HSD11B1L: variants seen among roughly 807,000 people sequenced by gnomAD.
The protein encoded by HSD11B1L is hydroxysteroid 11-beta dehydrogenase 1 like.
A neutral mutation model predicts 27.0 loss-of-function variants in HSD11B1L; 22 were observed. The observed-to-expected ratio is 0.81, with a 90% CI of 0.58 to 1.16. The LOEUF is 1.16. Among genes scored for constraint, HSD11B1L ranks in the 50% most tolerant of loss-of-function variants. The probability of loss-of-function intolerance (pLI) is 0.00; values close to 1 mark genes in which losing one functional copy is unlikely to be tolerated. For missense variants in HSD11B1L, 372 were observed against 401.8 expected, an observed-to-expected ratio of 0.93 and a Z score of 0.63; for synonymous variants, 187 against 189.2, an observed-to-expected ratio of 0.99 and a Z score of 0.09.
intron 1 of HSD11B1L, among the ~76,000 whole-genome samples, chr19:5,683,576 G>C (rs1345390701): frequency 6.6e-6 from 1 of 152,166 alleles, no homozygotes; most frequent in Non-Finnish European, 1.5e-5. Context: ...TACAGGGAGA[G>C]AAGGATGGTG....
Position 5,685,004 on chromosome 19 carries a change from C to T in HSD11B1L, c.89C>T (p.Ala30Val), listed in dbSNP as rs1239350302. The T allele has an allele frequency of 5.6e-6, 9 of 1,600,320 alleles. No individual in the cohort carries two copies. Among genetic ancestry groups the T allele is most frequent in the Non-Finnish European group, 6.8e-6 (8 of 1,173,440 alleles). The change falls in exon 3 of 8, where the codon GCG becomes GTG. Residue 30 changes from alanine (A) to valine (V), a missense_variant. Transcript: ENST00000339423. This position sits in a 1 kb window ranked among gnomAD's most constrained non-coding sequence, Gnocchi z 4.3. ...DNFDPASLQG[A>V]RVLLTGANAG... ...CTATGGCCAGCCAGCCTCCAGGGAGCGCGAGTGCTGCTGACAGGGGCCAAC... is the reference window on the plus strand; with the variant it reads ...CTATGGCCAGCCAGCCTCCAGGGAGTGCGAGTGCTGCTGACAGGGGCCAAC...
Position 5,687,165 on chromosome 19 carries a change from G to A in HSD11B1L, c.409-117G>A. ...CGGCCTTGACCCCGCCCTCGGACCCGCCTTCCGGGTTTCTGGCCCCGTCTC... is the reference window on the plus strand; with the variant it reads ...CGGCCTTGACCCCGCCCTCGGACCCACCTTCCGGGTTTCTGGCCCCGTCTC... On this transcript the variant is annotated intron_variant, in intron 5 of 7. Transcript: ENST00000339423. The surrounding 1 kb of genome is among the most constrained non-coding windows in gnomAD (Gnocchi z 6.6). 1 of 1,235,594 alleles carries A rather than the reference G, an allele frequency of 8.1e-7. No individual in the cohort carries two copies. Among genetic ancestry groups the A allele is most frequent in the South Asian group, 1.4e-5 (1 of 73,206 alleles). 76.5% of individuals were successfully genotyped at this position (1,235,594 alleles called of 1,614,324 possible). A position where few individuals can be genotyped will look rare whatever the true frequency, so the allele number is the denominator to read the frequency against.
intron 4 of HSD11B1L, 51 bp from the exon 5 acceptor site, chr19:5,686,849 A>G (rs1488639114): frequency 6.9e-7 from 1 of 1,453,048 alleles, no homozygotes. Context: ...GCGGGGTTTG[A>G]TCGTTTCCTT....
At position 5,685,106 on chromosome 19, in the gene HSD11B1L, C is replaced by G; in HGVS notation, c.191C>G (p.Ala64Gly). ...CTGGTGCTCACTGCCCACACTGAGG[C>G]TCTCCTGCAGAAGGTGAGCCACCCC... Reference protein sequence around the residue: ...SHLVLTAHTEALLQKVVGNCR... With the variant: ...SHLVLTAHTEGLLQKVVGNCR... The change falls in exon 3 of 8, where the codon GCT (alanine) becomes GGT (glycine). Residue 64 changes from alanine (A) to glycine (G), a missense_variant. Transcript: ENST00000339423. This position sits in a 1 kb window ranked among gnomAD's most constrained non-coding sequence, Gnocchi z 4.3. The G allele has an allele frequency of 6.5e-7, 1 of 1,548,676 alleles. No individual in the cohort carries two copies. The highest frequency in any genetic ancestry group is 8.7e-7 in the Non-Finnish European group (1 of 1,147,168).
intron 3 of HSD11B1L, 61 bp from the exon 4 acceptor site, chr19:5,686,355 C>T (rs1452304233): frequency 8.7e-6 from 10 of 1,147,184 alleles, no homozygotes; most frequent in Admixed American, 7.8e-5. Context: ...CCAGCAGGTG[C>T]GGTGGAGGGG....
chr19:5,686,427 C>G lies in HSD11B1L; in HGVS notation c.216C>G (p.Asn72Lys), dbSNP rs1339976421. ...TEALLQKVVG[N>K]CRKLGAPKVF... Reference sequence around the variant, plus strand: ...CTGGCCCCCCCCAGGTGGTAGGGAACTGCCGGAAGCTGGGCGCCCCCAAGG... The same window carrying G: ...CTGGCCCCCCCCAGGTGGTAGGGAAGTGCCGGAAGCTGGGCGCCCCCAAGG... Residue 72 changes from asparagine (N) to lysine (K), a missense_variant, in exon 4 of 8, where the codon AAC becomes AAG. By Grantham distance (94) the Asn-to-Lys change is moderately conservative. Coordinates refer to ENST00000339423, the MANE Select transcript of HSD11B1L (RefSeq NM_198706.3). The G allele has an allele frequency of 1.9e-6, 3 of 1,574,298 alleles. No homozygotes were observed. Among genetic ancestry groups the G allele is most frequent in the Non-Finnish European group, 2.6e-6 (3 of 1,161,308 alleles).
rs2054654615 is a variant in HSD11B1L at position 5,685,091 on chromosome 19, C to T, written c.176C>T (p.Thr59Ile). ...CGTCTGGGCTCCCACCTGGTGCTCA[C>T]TGCCCACACTGAGGCTCTCCTGCAG... ...YARLGSHLVL[T>I]AHTEALLQKV... The change falls in exon 3 of 8, where the codon ACT becomes ATT. Residue 59 changes from threonine (T) to isoleucine (I), a missense_variant. Coordinates refer to ENST00000339423, the MANE Select transcript of HSD11B1L (RefSeq NM_198706.3). This position sits in a 1 kb window ranked among gnomAD's most constrained non-coding sequence, Gnocchi z 4.3. 9 of 1,550,354 alleles carry T rather than the reference C, an allele frequency of 5.8e-6. No homozygotes were observed. The highest frequency in any genetic ancestry group is 7.8e-6 in the Non-Finnish European group (9 of 1,147,392).
At chr19:5,684,526 C>T (rs2054778381) in intron 1 of HSD11B1L, among the ~76,000 whole-genome samples, 1 of 152,054 alleles carries the variant, frequency 6.6e-6, no homozygotes, top group Non-Finnish European at 1.5e-5. Flanking sequence ...CGTTTGTAGC[C>T]ACCAAGGAGT....
At chr19:5,686,386 A>AGGCCCACGGGCAGCTCT in intron 3 of HSD11B1L, 30 bp from the exon 4 acceptor site, 1 of 1,445,452 alleles carries the variant, frequency 6.9e-7, no homozygotes, top group Non-Finnish European at 9.4e-7. Context: ...TGTAGAGGAG[A>AGGCCCACGGGCAGCTCT]GGCCCACGGG....
In HSD11B1L at chr19:5,687,023, C is replaced by T. The variant is rs1282801273; in HGVS notation, c.408+32C>T. ...CGCTCCTCCGCGGCCCCGGCCCGCC[C>T]CTCTATCTCAGGGACCGGTGGTCCG... is the stretch of plus-strand genomic sequence containing the variant. On this transcript the variant is annotated intron_variant, in intron 5 of 7. Transcript: ENST00000339423. This position sits in a 1 kb window ranked among gnomAD's most constrained non-coding sequence, Gnocchi z 6.6. 6.6e-7 allele frequency: 1 copy of T among 1,511,992 alleles called. No homozygotes were observed. The highest frequency in any genetic ancestry group is 2.5e-5 in the East Asian group (1 of 40,596). 93.7% of individuals were successfully genotyped at this position (1,511,992 alleles called of 1,614,324 possible).
Position 5,687,610 on chromosome 19 carries a change from GCCATCA to G in HSD11B1L, c.615_620del (p.Ile205_Thr206del). On this transcript the variant is annotated inframe_deletion, in exon 7 of 8. Coordinates refer to ENST00000339423, the MANE Select transcript of HSD11B1L (RefSeq NM_198706.3). The surrounding 1 kb of genome is among the most constrained non-coding windows in gnomAD (Gnocchi z 6.6). ...GCTGGACGTGCAGGACGTGAACGTG[GCCATCA>G]CCATGTGCGTCCTGGGCCTCCGAGA... 6.3e-7 allele frequency: 1 copy of G among 1,598,136 alleles called. No homozygotes were observed. Among genetic ancestry groups the G allele is most frequent in the Non-Finnish European group, 8.5e-7 (1 of 1,178,304 alleles).
At position 5,685,216 on chromosome 19, in the gene HSD11B1L, T is replaced by G; in HGVS notation, c.204+97T>G. ...CCTGCAATGATCCAGGCTTCCCGTGTGACCTTGGGCAAGTCGCCTAACCTC... is the reference window on the plus strand; with the variant it reads ...CCTGCAATGATCCAGGCTTCCCGTGGGACCTTGGGCAAGTCGCCTAACCTC... On this transcript the variant is annotated intron_variant, in intron 3 of 7. Transcript: ENST00000339423. The surrounding 1 kb of genome is among the most constrained non-coding windows in gnomAD (Gnocchi z 4.3). The G allele has an allele frequency of 6.8e-7, 1 of 1,474,380 alleles. No homozygotes were observed. Among genetic ancestry groups the G allele is most frequent in the Non-Finnish European group, 9.2e-7 (1 of 1,090,954 alleles). 91.3% of individuals were successfully genotyped at this position (1,474,380 alleles called of 1,614,324 possible). A position where few individuals can be genotyped will look rare whatever the true frequency, so the allele number is the denominator to read the frequency against.
In HSD11B1L at chr19:5,684,981, A is replaced by G. The variant is rs1440912828; in HGVS notation, c.74-8A>G. The G allele has an allele frequency of 1.2e-6, 2 of 1,610,164 alleles. No homozygotes were observed. The highest frequency in any genetic ancestry group is 1.3e-5 in the African/African-American group (1 of 74,858). On this transcript the variant is annotated splice_polypyrimidine_tract_variant and splice_region_variant and intron_variant, in intron 2 of 7. Coordinates refer to ENST00000339423, the MANE Select transcript of HSD11B1L (RefSeq NM_198706.3). ...TCCGCCCAGAGTGACCACCCCGGCT[A>G]TGGCCAGCCAGCCTCCAGGGAGCGC...
At chr19:5,683,468 C>T (rs2054609105) in intron 1 of HSD11B1L, among the ~76,000 whole-genome samples, 1 of 152,134 alleles carries the variant, frequency 6.6e-6, no homozygotes, top group South Asian at 2.1e-4. Flanking sequence ...CTATTGAGCA[C>T]CTACTGTGTA....
intron 1 of HSD11B1L, chr19:5,684,035 G>T (rs2054623135): frequency 2.1e-6 from 1 of 476,724 alleles, no homozygotes; most frequent in African/African-American, 2.0e-5. Context: ...GGAGTGCAAT[G>T]GCAAATCTCG....
Position 5,685,031 on chromosome 19 carries a change from C to T in HSD11B1L, c.116C>T (p.Ala39Val), listed in dbSNP as rs918523389. 3 of 1,577,324 alleles carry T rather than the reference C, an allele frequency of 1.9e-6. No homozygotes were observed. In the African/African-American group the frequency reaches 4.1e-5, roughly 21 times the overall value. Residue 39 changes from alanine (A) to valine (V), a missense_variant, in exon 3 of 8, where the codon GCT (alanine) becomes GTT (valine). Ala to Val is a moderately conservative substitution (Grantham distance 64). Coordinates refer to ENST00000339423, the MANE Select transcript of HSD11B1L (RefSeq NM_198706.3). The surrounding 1 kb of genome is among the most constrained non-coding windows in gnomAD (Gnocchi z 4.3). ...GARVLLTGAN[A>V]GVGEELAYHY... ...CGAGTGCTGCTGACAGGGGCCAACG[C>T]TGGTGTTGGTGAGGAGCTGGCCTAT...
intron 1 of HSD11B1L, among the ~76,000 whole-genome samples, chr19:5,681,660 G>GTCCGTCCA (rs2054553235): frequency 6.9e-6 from 1 of 145,752 alleles, no homozygotes; most frequent in South Asian, 2.2e-4. Flanking sequence ...CCATGCATCC[G>GTCCGTCCA]TCCGTCCATC....
Position 5,687,314 on chromosome 19 carries a change from G to A in HSD11B1L, c.441G>A (p.Ser147=). Residue 147 remains serine, a synonymous_variant, in exon 6 of 8, where the codon TCG becomes TCA. Coordinates refer to ENST00000339423, the MANE Select transcript of HSD11B1L (RefSeq NM_198706.3). The surrounding 1 kb of genome is among the most constrained non-coding windows in gnomAD (Gnocchi z 6.6). ...VNFVSYVQLT[S]RALPSLTDSK... ...TTGTGAGCTACGTGCAACTGACGTC[G>A]CGGGCGCTGCCCAGCCTGACGGACA... 1 of 1,612,832 alleles carries A rather than the reference G, an allele frequency of 6.2e-7. No individual in the cohort carries two copies. Among genetic ancestry groups the A allele is most frequent in the Non-Finnish European group, 8.5e-7 (1 of 1,179,792 alleles).
Position 5,688,358 on chromosome 19 carries a change from G to T in HSD11B1L, c.*413G>T. 2 of 661,228 alleles carry T rather than the reference G, an allele frequency of 3.0e-6. No homozygotes were observed. The highest frequency in any genetic ancestry group is 2.0e-5 in the South Asian group (1 of 51,202). The allele number at this position is 661,228 out of a possible 1,614,324, so 41.0% of individuals were successfully genotyped here. A position where few individuals can be genotyped will look rare whatever the true frequency, so the allele number is the denominator to read the frequency against. On this transcript the variant is annotated 3_prime_UTR_variant, in exon 8 of 8. Coordinates refer to ENST00000339423, the MANE Select transcript of HSD11B1L (RefSeq NM_198706.3). ...TCTGGGAGGAACCCCCCCAACTCCT[G>T]CCAGCTTCCCCTAGCTGGGGTCTCT...
Sources: allele counts gnomAD v4.1 joint callset (sites outside exome capture counted in the v4.1 genomes callset), GRCh38; gene constraint gnomAD v4.1.1; non-coding constraint Gnocchi (gnomAD v3.1); transcripts MANE v1.5; gene names NCBI Gene and HGNC (gene_info 2026-07-23, HGNC 2026-07-21).